The following HEATR5A variants were observed in gnomAD, a reference collection of about 807,000 sequenced individuals.
HEATR5A encodes the protein HEAT repeat containing 5A.
In HEATR5A, 178 loss-of-function variants were observed where a neutral mutation model predicts 218.8. That is an observed-to-expected ratio of 0.81 (90% CI 0.72 to 0.92). HEATR5A has a LOEUF of 0.92. Among genes scored for constraint, HEATR5A ranks in the 40% least tolerant of loss-of-function variants. The pLI is 0.00. For synonymous variants in HEATR5A, 864 were observed against 871.6 expected (o/e 0.99, Z 0.15); for missense variants, 2,420 against 2,418.9 (o/e 1.00, Z -0.01).
In HEATR5A at chr14:31,350,701, G is replaced by A; in HGVS notation, c.2428C>T (p.Gln810Ter). The A allele has an allele frequency of 6.3e-7, 1 of 1,577,438 alleles. No homozygotes were observed. The highest frequency in any genetic ancestry group is 8.7e-7 in the Non-Finnish European group (1 of 1,152,690). The change falls in exon 17 of 36, where the codon CAG becomes TAG. Residue 810 changes from glutamine (Q) to a stop codon, truncating the protein, a stop_gained. Transcript: ENST00000543095. LOFTEE classifies it high-confidence loss of function. Reference sequence around the variant, plus strand: ...GTGTGCTTTATACTGTCCAAAAGCTGTTCCAATATAAGAAGCCTACAATCA... The same window carrying A: ...GTGTGCTTTATACTGTCCAAAAGCTATTCCAATATAAGAAGCCTACAATCA... ...GETQRLLILE[Q>*]LLDSIKHTKG...
At chr14:31,337,640 CAG>C in intron 21 of HEATR5A, 26 bp from the exon 22 acceptor site, 1 of 1,586,038 alleles carries the variant, frequency 6.3e-7, no homozygotes, top group Non-Finnish European at 8.6e-7. Flanking sequence ...TGAGGAACGA[CAG>C]AGCTAAAATT....
intron 22 of HEATR5A, among the ~76,000 whole-genome samples, chr14:31,331,832 C>A (rs565906290): frequency 1.6e-4 from 24 of 152,270 alleles, no homozygotes; most frequent in African/African-American, 5.1e-4. Flanking sequence ...ATGAAACCAT[C>A]AGATCTCATG....
At chr14:31,311,932 G>A (rs1443804350) in intron 28 of HEATR5A, among the ~76,000 whole-genome samples, 1 of 152,182 alleles carries the variant, frequency 6.6e-6, no homozygotes, top group Non-Finnish European at 1.5e-5. Flanking sequence ...CACAATCTGA[G>A]CTGACCCGAA....
intron 16 of HEATR5A, among the ~76,000 whole-genome samples, chr14:31,353,861 G>T (rs936788053): frequency 6.6e-6 from 1 of 151,754 alleles, no homozygotes; most frequent in Non-Finnish European, 1.5e-5. Context: ...GTGCAGTGGC[G>T]TGATCTCAAC....
rs529238935 is a variant in HEATR5A, at chr14:31,403,170, A to T, written c.-74-121T>A. On this transcript the variant is annotated intron_variant, in intron 1 of 35. Coordinates refer to ENST00000543095, the MANE Select transcript of HEATR5A (RefSeq NM_015473.4). ...CATTTTTTATAAATGCTCTAGGGTG[A>T]ATCTGGGAAAATCCCAATAATGTTC... 1.3e-4 allele frequency: 66 copies of T among 496,786 alleles called. No individual in the cohort carries two copies. In the South Asian group the frequency reaches 2.2e-3, roughly 16 times the overall value. The allele number at this position is 496,786 out of a possible 1,614,324, so 30.8% of individuals were successfully genotyped here.
chr14:31,361,843 T>C (rs940284645), intron 14 of HEATR5A, among the ~76,000 whole-genome samples: 1 of 152,200 alleles, frequency 6.6e-6, no homozygotes, highest in African/African-American at 2.4e-5. Context: ...AAAAGTTATT[T>C]CAATTCTTAA....
At chr14:31,338,321 T>A (rs902145921) in intron 21 of HEATR5A, among the ~76,000 whole-genome samples, 2 of 152,122 alleles carry the variant, frequency 1.3e-5, no homozygotes, top group African/African-American at 4.8e-5. Flanking sequence ...ACATACAAAG[T>A]AAATGCATTT....
intron 22 of HEATR5A, among the ~76,000 whole-genome samples, chr14:31,334,687 C>T (rs757857472): frequency 1.2e-4 from 18 of 152,138 alleles, no homozygotes; most frequent in Non-Finnish European, 2.4e-4. Flanking sequence ...TGGCTCACGC[C>T]TTTAGTCCCA....
At chr14:31,408,583 A>G (rs1411467836) in intron 1 of HEATR5A, among the ~76,000 whole-genome samples, 3 of 148,456 alleles carry the variant, frequency 2.0e-5, no homozygotes, top group Non-Finnish European at 2.9e-5. Context: ...TTTATAGGTG[A>G]AAAAAAAGGC....
At chr14:31,409,290 CA>C (rs2031193334) in intron 1 of HEATR5A, among the ~76,000 whole-genome samples, 2 of 150,798 alleles carry the variant, frequency 1.3e-5, no homozygotes, top group African/African-American at 2.4e-5. Context: ...TCAGGTGATC[CA>C]ACCGCCTCGG....
intron 1 of HEATR5A, among the ~76,000 whole-genome samples, chr14:31,403,978 A>ATAAAATATGG (rs2139310231): frequency 6.6e-6 from 1 of 152,354 alleles, no homozygotes; most frequent in Admixed American, 6.5e-5. Flanking sequence ...TAAATCGTGC[A>ATAAAATATGG]CTCAACCATA....
chr14:31,391,036 G>A (rs1291428435), intron 6 of HEATR5A, among the ~76,000 whole-genome samples: 1 of 151,906 alleles, frequency 6.6e-6, no homozygotes, highest in East Asian at 1.9e-4. Context: ...GTAGGCCTGG[G>A]CTAATGTGTG....
Position 31,400,476 on chromosome 14 carries a change from G to T in HEATR5A, c.163C>A (p.Gln55Lys), listed in dbSNP as rs746080557. Residue 55 changes from glutamine (Q) to lysine (K), a missense_variant, in exon 3 of 36, where the codon CAG becomes AAG. Physicochemically the swap from Gln to Lys is moderately conservative, Grantham distance 53. Coordinates refer to ENST00000543095, the MANE Select transcript of HEATR5A (RefSeq NM_015473.4). ...VREKQKTLVE[Q>K]LLSLLNSSPG... Reference sequence around the variant, plus strand: ...GAGCTGTTCAACAAAGACAGGAGCTGTTCAACAAGAGTCTTCTGTTTCTCC... The same window carrying T: ...GAGCTGTTCAACAAAGACAGGAGCTTTTCAACAAGAGTCTTCTGTTTCTCC... 1.4e-5 allele frequency: 21 copies of T among 1,535,568 alleles called. No individual in the cohort carries two copies. Among genetic ancestry groups the T allele is most frequent in the Non-Finnish European group, 1.7e-5 (19 of 1,146,654 alleles).
At chr14:31,396,154 C>T (rs369470362) in intron 4 of HEATR5A, among the ~76,000 whole-genome samples, 2 of 152,120 alleles carry the variant, frequency 1.3e-5, no homozygotes, top group Admixed American at 6.5e-5. Context: ...CTCAGGACTT[C>T]GAGACCAGCC....
At chr14:31,414,063 G>C (rs2031370587) in intron 1 of HEATR5A, among the ~76,000 whole-genome samples, 1 of 152,166 alleles carries the variant, frequency 6.6e-6, no homozygotes, top group Non-Finnish European at 1.5e-5. Context: ...AAAAGTATTA[G>C]TTTAGTCTTT....
In HEATR5A at chr14:31,344,063, T is replaced by C. The variant is rs1339454111; in HGVS notation, c.3061A>G (p.Asn1021Asp). The C allele has an allele frequency of 7.3e-6, 11 of 1,498,366 alleles. No individual in the cohort carries two copies. The highest frequency in any genetic ancestry group is 8.0e-6 in the Non-Finnish European group (9 of 1,119,114). 92.8% of individuals were successfully genotyped at this position (1,498,366 alleles called of 1,614,324 possible). A position where few individuals can be genotyped will look rare whatever the true frequency, so the allele number is the denominator to read the frequency against. Residue 1021 changes from asparagine to aspartate, a missense_variant and splice_region_variant, in exon 21 of 36, where the codon AAC becomes GAC. By Grantham distance (23) the Asn-to-Asp change is conservative. Coordinates refer to ENST00000543095, the MANE Select transcript of HEATR5A (RefSeq NM_015473.4). ...ITTLGPELQG[N>D]STSISTLRTS... is the part of the protein sequence containing the mutation. The stretch of plus-strand genomic sequence containing the variant: ...CTTAAGGTAGAAATTGAAGTACTGT[T>C]ACCTAAAATAAAAAGCAGAAAGCTT...
chr14:31,369,427 A>T (rs1384562099), intron 13 of HEATR5A, among the ~76,000 whole-genome samples: 1 of 152,016 alleles, frequency 6.6e-6, no homozygotes, highest in Non-Finnish European at 1.5e-5. Context: ...AGCCTGGCCA[A>T]CATGGCAAAA....
chr14:31,319,241 C>CTTCT (rs1228803176), intron 25 of HEATR5A, among the ~76,000 whole-genome samples: 3 of 152,062 alleles, frequency 2.0e-5, no homozygotes, highest in Non-Finnish European at 4.4e-5. Context: ...CAACCTCCAC[C>CTTCT]TTCTGGGTTC....
intron 1 of HEATR5A, among the ~76,000 whole-genome samples, chr14:31,410,565 T>C (rs1200730159): frequency 6.6e-6 from 1 of 152,192 alleles, no homozygotes; most frequent in Admixed American, 6.5e-5. Context: ...GAAAATTAAG[T>C]CCTTTTGTTA....
Sources: gnomAD v4.1 joint callset for allele counts (sites outside exome capture counted in the v4.1 genomes callset) on GRCh38, gnomAD v4.1.1 for gene constraint, MANE v1.5 for transcripts, NCBI Gene and HGNC (gene_info 2026-07-23, HGNC 2026-07-21) for gene names.